The following NTM variants were observed in gnomAD, a reference collection of about 807,000 sequenced individuals.
NTM encodes the protein neurotrimin, also known as IgLON family member 2.
In NTM, 13 loss-of-function variants were observed where a neutral mutation model predicts 42.1. The observed-to-expected ratio is 0.31, with a 90% CI of 0.20 to 0.49. The LOEUF (loss-of-function observed/expected upper bound fraction) is 0.49, where lower values mean the gene tolerates loss of function less well. Among genes scored for constraint, NTM ranks in the 20% least tolerant of loss-of-function variants. NTM has a pLI of 0.99. For missense variants in NTM, 373 were observed against 452.8 expected (o/e 0.82, Z 1.60); for synonymous variants, 187 against 179.2 (o/e 1.04, Z -0.35).
At chr11:131,996,774 C>A (rs74613547) in intron 2 of NTM, among the ~76,000 whole-genome samples, 1 of 152,096 alleles carries the variant, frequency 6.6e-6, no homozygotes, top group Non-Finnish European at 1.5e-5. Flanking sequence ...GTCATTGCTG[C>A]CAGCCCCCTC....
At chr11:132,129,795 CA>C (rs2066500757) in intron 2 of NTM, among the ~76,000 whole-genome samples, 1 of 152,182 alleles carries the variant, frequency 6.6e-6, no homozygotes, top group South Asian at 2.1e-4. Context: ...CAGGAGGTAC[CA>C]AATGGATACA....
At chr11:131,606,152 G>A (rs2060938764) in intron 1 of NTM, among the ~76,000 whole-genome samples, 1 of 151,956 alleles carries the variant, frequency 6.6e-6, no homozygotes, top group African/African-American at 2.4e-5. Flanking sequence ...AAAGTGATTT[G>A]CCTACCTCAG....
intron 4 of NTM, among the ~76,000 whole-genome samples, chr11:132,280,096 T>C (rs538052307): frequency 5.9e-5 from 9 of 152,322 alleles, no homozygotes; most frequent in East Asian, 1.9e-4. Flanking sequence ...TGGACTATCA[T>C]TGGTGCTCAG....
rs552384739 is a variant in NTM, at chr11:131,838,962, C to CT, written c.83-72585dup. Among the ~76,000 whole-genome samples, 1,305 of 137,106 alleles carry CT rather than the reference C, an allele frequency of 9.5e-3. 20 individuals carry two copies. The highest frequency in any genetic ancestry group is 0.027 in the African/African-American group (1,004 of 37,224). The allele number at this position is 137,106 out of a possible 152,430, so 89.9% of individuals were successfully genotyped here. ...ATGGTAAATGAAATAAGTAAATAAT[C>CT]TTTTTTTTTTTTTTTTTAGATGGAG... On this transcript the variant is annotated intron_variant, in intron 1 of 8. Coordinates refer to ENST00000683400, the MANE Select transcript of NTM (RefSeq NM_001352005.2).
chr11:131,801,155 C>T (rs1482508732), intron 1 of NTM, among the ~76,000 whole-genome samples: 1 of 152,126 alleles, frequency 6.6e-6, no homozygotes, highest in African/African-American at 2.4e-5. Flanking sequence ...CTGCTGTGAC[C>T]CACGTGAACT....
At chr11:131,857,440 T>C (rs2046213005) in intron 1 of NTM, among the ~76,000 whole-genome samples, 1 of 152,162 alleles carries the variant, frequency 6.6e-6, no homozygotes. Context: ...TCAGTGGCCC[T>C]CAATGAGTCC....
chr11:131,807,674 C>T (rs1165364564), intron 1 of NTM, among the ~76,000 whole-genome samples: 2 of 152,162 alleles, frequency 1.3e-5, no homozygotes, highest in Non-Finnish European at 2.9e-5. Context: ...AAGATGTTAA[C>T]ACAGAAGGCA....
chr11:131,547,044 G>C (rs1005868283), intron 1 of NTM, among the ~76,000 whole-genome samples: 8 of 152,136 alleles, frequency 5.3e-5, no homozygotes, highest in Non-Finnish European at 4.4e-5. Context: ...GTGGTGACCA[G>C]AGCAAGGTCA....
chr11:132,274,418 T>C (rs2093628399), intron 4 of NTM, among the ~76,000 whole-genome samples: 1 of 152,106 alleles, frequency 6.6e-6, no homozygotes, highest in African/African-American at 2.4e-5. Context: ...TGTTATTTTT[T>C]AAAGTTTCAA....
chr11:131,613,793 C>G (rs1037000128), intron 1 of NTM, among the ~76,000 whole-genome samples: 6 of 152,096 alleles, frequency 3.9e-5, no homozygotes, highest in Admixed American at 3.9e-4. Flanking sequence ...CCCGTAAGAT[C>G]TGAGACCTTT....
At chr11:131,566,915 C>G (rs1421242645) in intron 1 of NTM, among the ~76,000 whole-genome samples, 2 of 152,116 alleles carry the variant, frequency 1.3e-5, no homozygotes, top group Non-Finnish European at 2.9e-5. Flanking sequence ...CTGCCCGGTA[C>G]TACCTTGAAC....
intron 1 of NTM, among the ~76,000 whole-genome samples, chr11:131,907,673 G>A (rs746180099): frequency 6.6e-6 from 1 of 152,198 alleles, no homozygotes; most frequent in Non-Finnish European, 1.5e-5. Context: ...GTGGAGGTGG[G>A]CGCTCGTTAG....
At chr11:131,741,914 G>A (rs1362245873) in intron 1 of NTM, among the ~76,000 whole-genome samples, 1 of 152,142 alleles carries the variant, frequency 6.6e-6, no homozygotes, top group Non-Finnish European at 1.5e-5. Context: ...CTGAGATCAT[G>A]TCCTTTGCCG....
intron 3 of NTM, among the ~76,000 whole-genome samples, chr11:132,182,131 G>T (rs1246169611): frequency 1.3e-5 from 2 of 152,012 alleles, no homozygotes; most frequent in Non-Finnish European, 2.9e-5. Context: ...TATCAGTCAA[G>T]CTAGAAACCT....
chr11:132,189,558 G>A (rs1300294599), intron 3 of NTM, among the ~76,000 whole-genome samples: 1 of 152,102 alleles, frequency 6.6e-6, no homozygotes, highest in Admixed American at 6.5e-5. Flanking sequence ...TCCAAAGCAT[G>A]TTGACACTCT....
At chr11:132,125,142 C>T (rs1172099739) in intron 2 of NTM, among the ~76,000 whole-genome samples, 2 of 152,196 alleles carry the variant, frequency 1.3e-5, no homozygotes, top group Non-Finnish European at 2.9e-5. Context: ...AACGGATGGG[C>T]TCACAGTGGG....
At chr11:131,622,582 T>G (rs1044747865) in intron 1 of NTM, among the ~76,000 whole-genome samples, 1 of 152,218 alleles carries the variant, frequency 6.6e-6, no homozygotes, top group Non-Finnish European at 1.5e-5. Context: ...AAAATTTTGC[T>G]GTACACACAG....
intron 2 of NTM, among the ~76,000 whole-genome samples, chr11:131,967,234 A>G (rs932896036): frequency 2.0e-5 from 3 of 152,272 alleles, no homozygotes; most frequent in South Asian, 2.1e-4. Context: ...CACACATGGT[A>G]TTTAAGACTG....
At chr11:131,574,120 A>T (rs763031773) in intron 1 of NTM, among the ~76,000 whole-genome samples, 1 of 152,140 alleles carries the variant, frequency 6.6e-6, no homozygotes, top group Non-Finnish European at 1.5e-5. Context: ...GGGAGGGTTG[A>T]TGGACAGCAG....
Sources: allele counts gnomAD v4.1 joint callset (sites outside exome capture counted in the v4.1 genomes callset), GRCh38; gene constraint gnomAD v4.1.1; transcripts MANE v1.5; gene names NCBI Gene and HGNC (gene_info 2026-07-23, HGNC 2026-07-21).